Variants in ZMYND11 observed in about 807,000 individuals in gnomAD.
ZMYND11 encodes zinc finger MYND domain-containing protein 11.
Under a neutral mutation model 84.9 loss-of-function variants are expected in ZMYND11, and 9 were observed. The observed-to-expected ratio is 0.11, with a 90% CI of 0.06 to 0.18. The LOEUF is 0.18. Among genes scored for constraint, ZMYND11 ranks in the 10% least tolerant of loss-of-function variants. The probability of loss-of-function intolerance (pLI) is 1.00; values close to 1 mark genes in which losing one functional copy is unlikely to be tolerated. For synonymous variants in ZMYND11, 250 were observed against 244.1 expected, an observed-to-expected ratio of 1.02 and a Z score of -0.23; for missense variants, 409 against 761.0, an observed-to-expected ratio of 0.54 and a Z score of 5.44.
At chr10:140,369 C>T (rs1837229527) in intron 1 of ZMYND11, among the ~76,000 whole-genome samples, 1 of 152,178 alleles carries the variant, frequency 6.6e-6, no homozygotes, top group African/African-American at 2.4e-5. Context: ...GTGTGGGCAC[C>T]TGCTGTTACT....
intron 1 of ZMYND11, among the ~76,000 whole-genome samples, chr10:144,731 A>AAT (rs1210145059): frequency 1.2e-4 from 17 of 146,442 alleles, no homozygotes; most frequent in Non-Finnish European, 9.0e-5. Context: ...CTACATATAA[A>AAT]ATATATATAT....
At chr10:237,014 C>T (rs1319445766) in intron 5 of ZMYND11, 99 bp downstream of exon 5, 57 of 1,158,738 alleles carry the variant, frequency 4.9e-5, no homozygotes, top group African/African-American at 1.6e-5. Flanking sequence ...CAAATATGTA[C>T]ATAGCAATAT....
Position 249,107 on chromosome 10 carries a change from T to G in ZMYND11, c.1686+19T>G, listed in dbSNP as rs181377412. 1 of 1,613,970 alleles carries G rather than the reference T, an allele frequency of 6.2e-7. No homozygotes were observed. The highest frequency in any genetic ancestry group is 1.7e-5 in the Admixed American group (1 of 60,020). On this transcript the variant is annotated intron_variant, in intron 14 of 14. Transcript: ENST00000381604. ...GCAGTGGGTAAATACCAGTCTTTTT[T>G]AGACCCTTATTTCTGAAAATGTACC...
At chr10:230,335 T>A (rs1948794057) in intron 4 of ZMYND11, among the ~76,000 whole-genome samples, 1 of 151,892 alleles carries the variant, frequency 6.6e-6, no homozygotes, top group Admixed American at 6.5e-5. Flanking sequence ...TAGCCCAGCA[T>A]GCTGGTGCGT....
intron 1 of ZMYND11, among the ~76,000 whole-genome samples, chr10:160,187 A>G (rs1356421248): frequency 1.3e-5 from 2 of 152,266 alleles, no homozygotes; most frequent in Non-Finnish European, 2.9e-5. Flanking sequence ...CAAAGTGAAT[A>G]TCACAGCAAA....
intron 1 of ZMYND11, among the ~76,000 whole-genome samples, chr10:137,660 T>G (rs781841060): frequency 6.6e-6 from 1 of 152,178 alleles, no homozygotes; most frequent in South Asian, 2.1e-4. Context: ...GTCATCTTTG[T>G]AGTTTTTCTG....
chr10:218,590 A>G, intron 3 of ZMYND11: 1 of 252,772 alleles, frequency 4.0e-6, no homozygotes, highest in Non-Finnish European at 8.6e-6. Context: ...AGCTTAGTTA[A>G]CTCTTGCTAG....
intron 1 of ZMYND11, chr10:148,876 C>T (rs1158525358): frequency 6.6e-6 from 1 of 152,196 alleles, no homozygotes; most frequent in East Asian, 1.9e-4. Context: ...CATACAACGT[C>T]TGTGTTTTTA....
intron 3 of ZMYND11, among the ~76,000 whole-genome samples, chr10:215,543 G>A (rs1050161970): frequency 4.0e-5 from 6 of 151,772 alleles, no homozygotes; most frequent in African/African-American, 1.5e-4. Flanking sequence ...ATAGGCCTAG[G>A]GGGCATCTTT....
rs1588879244 is a variant in ZMYND11, at chr10:198,525, G to A, written c.117-11364G>A. On this transcript the variant is annotated intron_variant, in intron 2 of 14. Transcript: ENST00000381604. The stretch of plus-strand genomic sequence containing the variant: ...AAATTATTTTTAATTCAGAAATAAG[G>A]GAAATTAAGACTCAACAGTTTTGAT... Among the ~76,000 whole-genome samples the A allele has an allele frequency of 2.0e-5, 3 of 151,984 alleles. 1 individual carries two copies. Among genetic ancestry groups the A allele is most frequent in the South Asian group, 4.2e-4 (2 of 4,796 alleles).
chr10:232,957 T>C (rs1296946842), intron 4 of ZMYND11, among the ~76,000 whole-genome samples: 1 of 152,176 alleles, frequency 6.6e-6, no homozygotes, highest in African/African-American at 2.4e-5. Flanking sequence ...CAAGATCCCT[T>C]TAAAAGAGCA....
chr10:219,701 A>C (rs1335022580), intron 3 of ZMYND11, among the ~76,000 whole-genome samples: 2 of 152,182 alleles, frequency 1.3e-5, no homozygotes, highest in Non-Finnish European at 2.9e-5. Flanking sequence ...TGTGCAGTAC[A>C]TCATTTTGTG....
chr10:226,833 T>G (rs1948224674), intron 4 of ZMYND11, among the ~76,000 whole-genome samples: 1 of 152,208 alleles, frequency 6.6e-6, no homozygotes, highest in Non-Finnish European at 1.5e-5. Context: ...TAACAAACTT[T>G]GGTGTACATC....
intron 12 of ZMYND11, 30 bp from the exon 13 acceptor site, chr10:248,306 T>TA (rs767162894): frequency 1.8e-5 from 29 of 1,598,858 alleles, no homozygotes; most frequent in Admixed American, 3.4e-5. Context: ...TGGCTTCGTT[T>TA]GGCGTCTAAA....
intron 2 of ZMYND11, among the ~76,000 whole-genome samples, chr10:188,079 G>A (rs1939230040): frequency 6.6e-6 from 1 of 152,138 alleles, no homozygotes; most frequent in South Asian, 2.1e-4. Flanking sequence ...ATTATAGCTA[G>A]CACATATGAA....
chr10:240,298 G>A lies in ZMYND11; in HGVS notation c.753+187G>A, dbSNP rs539364703. On this transcript the variant is annotated intron_variant, in intron 8 of 14. Coordinates refer to ENST00000381604, the MANE Select transcript of ZMYND11 (RefSeq NM_001370100.5). ...AGTTGGGCGGATCACGAGATCAAGA[G>A]ATCGAGACCATCCTGGCCAACATGG... Among the ~76,000 whole-genome samples, 4 of 152,318 alleles carry A rather than the reference G, an allele frequency of 2.6e-5. No individual in the cohort carries two copies. In the South Asian group the frequency reaches 6.2e-4, roughly 24 times the overall value.
intron 4 of ZMYND11, among the ~76,000 whole-genome samples, chr10:230,287 A>G (rs948453036): frequency 3.9e-5 from 6 of 152,018 alleles, no homozygotes; most frequent in Non-Finnish European, 5.9e-5. Flanking sequence ...ATCCTGGCCA[A>G]TATGGTGAAA....
intron 2 of ZMYND11, 75 bp downstream of exon 2, chr10:180,203 A>G: frequency 9.1e-7 from 1 of 1,102,118 alleles, no homozygotes; most frequent in East Asian, 2.4e-5. Context: ...AAAAAATTTT[A>G]TCTGTTATGC....
chr10:177,573 C>T (rs1252446558), intron 1 of ZMYND11, among the ~76,000 whole-genome samples: 2 of 152,042 alleles, frequency 1.3e-5, no homozygotes, highest in African/African-American at 4.8e-5. Context: ...CTACATTCTT[C>T]TGGTTATGTT....
Sources: allele counts gnomAD v4.1 joint callset (sites outside exome capture counted in the v4.1 genomes callset), GRCh38; gene constraint gnomAD v4.1.1; transcripts MANE v1.5; gene names NCBI Gene and HGNC (gene_info 2026-07-23, HGNC 2026-07-21).